The following PTK2 variants were observed in gnomAD, a reference collection of about 807,000 sequenced individuals.
PTK2 encodes protein tyrosine kinase 2.
In PTK2, 45 loss-of-function variants were observed where a neutral mutation model predicts 150.1. The observed-to-expected ratio is 0.30, with a 90% CI of 0.24 to 0.38. PTK2 has a LOEUF of 0.38. Among genes scored for constraint, PTK2 ranks in the 10% least tolerant of loss-of-function variants. The pLI is 1.00. For missense variants in PTK2, 919 were observed against 1,307.3 expected, an observed-to-expected ratio of 0.70 and a Z score of 4.58; for synonymous variants, 432 against 449.2, an observed-to-expected ratio of 0.96 and a Z score of 0.48.
intron 3 of PTK2, among the ~76,000 whole-genome samples, chr8:140,884,017 T>C (rs2100150798): frequency 6.6e-6 from 1 of 152,042 alleles, no homozygotes; most frequent in African/African-American, 2.4e-5. Context: ...CAACGTTGCA[T>C]CTGATCCTTC....
intron 26 of PTK2, among the ~76,000 whole-genome samples, chr8:140,699,193 T>C (rs1471406106): frequency 1.3e-5 from 2 of 152,112 alleles, no homozygotes; most frequent in Non-Finnish European, 2.9e-5. Context: ...ACAAAGTTAG[T>C]GTCAGTGAAT....
intron 7 of PTK2, among the ~76,000 whole-genome samples, chr8:140,844,045 T>C (rs1479698027): frequency 2.6e-5 from 4 of 152,170 alleles, no homozygotes. Context: ...GGAGTACTGG[T>C]TAGGTACTTT....
chr8:140,860,543 T>G (rs2100135444), intron 5 of PTK2, among the ~76,000 whole-genome samples: 1 of 152,160 alleles, frequency 6.6e-6, no homozygotes, highest in Non-Finnish European at 1.5e-5. Flanking sequence ...GGCATGATCT[T>G]GGCTCACTGC....
intron 2 of PTK2, among the ~76,000 whole-genome samples, chr8:140,892,363 A>G (rs1473252629): frequency 6.6e-6 from 1 of 152,036 alleles, no homozygotes; most frequent in East Asian, 1.9e-4. Flanking sequence ...GGCAAAACCC[A>G]TCTCTACAAA....
At chr8:140,913,407 T>C (rs1283619409) in intron 2 of PTK2, among the ~76,000 whole-genome samples, 1 of 151,948 alleles carries the variant, frequency 6.6e-6, no homozygotes, top group Non-Finnish European at 1.5e-5. Context: ...GTGATTCTTG[T>C]GCCTCAGCCT....
intron 1 of PTK2, among the ~76,000 whole-genome samples, chr8:140,932,942 C>T (rs568286142): frequency 6.6e-6 from 1 of 152,016 alleles, no homozygotes; most frequent in Admixed American, 6.5e-5. Flanking sequence ...ACCTCTGCTT[C>T]CTGGGTTCAA....
At chr8:140,901,857 TC>T (rs1437616095) in intron 2 of PTK2, among the ~76,000 whole-genome samples, 2 of 152,140 alleles carry the variant, frequency 1.3e-5, no homozygotes, top group South Asian at 2.1e-4. Flanking sequence ...CCTCCCTGTG[TC>T]CATGTGTTGT....
At chr8:140,943,078 A>C (rs1012599729) in intron 1 of PTK2, among the ~76,000 whole-genome samples, 1 of 152,168 alleles carries the variant, frequency 6.6e-6, no homozygotes, top group African/African-American at 2.4e-5. Flanking sequence ...TACAGCCCGC[A>C]GAACAGTGAG....
chr8:140,964,948 A>C (rs903965326), intron 1 of PTK2, among the ~76,000 whole-genome samples: 7 of 152,164 alleles, frequency 4.6e-5, no homozygotes, highest in Admixed American at 4.6e-4. Context: ...AAAAGACAGA[A>C]CATTCACCAA....
rs11449247 is a variant in PTK2 at position 140,804,228 on chromosome 8, CT to C, written c.868-579del. Among the ~76,000 whole-genome samples, 44 of 147,246 alleles carry C rather than the reference CT, an allele frequency of 3.0e-4. 1 individual carries two copies. The highest frequency in any genetic ancestry group is 2.0e-3 in the Admixed American group (30 of 14,762). On this transcript the variant is annotated intron_variant, in intron 10 of 31. Coordinates refer to ENST00000522684, the Ensembl canonical transcript of PTK2. ...TAAGTAGCATAAACTTTGGCTTCTT[CT>C]TTTTTTTTTTCTTTTTCTTCTATTA...
At chr8:140,904,842 A>C (rs972633478) in intron 2 of PTK2, among the ~76,000 whole-genome samples, 5 of 151,962 alleles carry the variant, frequency 3.3e-5, no homozygotes, top group Non-Finnish European at 5.9e-5. Context: ...ATCAGTGGTG[A>C]TATCCCCTTT....
chr8:140,681,773 T>C (rs1378894458), intron 27 of PTK2, among the ~76,000 whole-genome samples: 1 of 151,862 alleles, frequency 6.6e-6, no homozygotes, highest in Non-Finnish European at 1.5e-5. Flanking sequence ...CGAGACTCCG[T>C]CTCAAAAAAA....
rs559863998 is a variant in PTK2, at chr8:140,961,754, T to C, written c.-121-36005A>G. ...GAGCTCACCTAACAAAAAGTACTTA[T>C]AGTACACATTTTTTAAAAGGCAATG... is the stretch of plus-strand genomic sequence containing the variant. On this transcript the variant is annotated intron_variant, in intron 1 of 31. Coordinates refer to ENST00000522684, the Ensembl canonical transcript of PTK2. 2.0e-5 allele frequency among the ~76,000 whole-genome samples: 3 copies of C among 152,048 alleles called. No individual in the cohort carries two copies. In the East Asian group the frequency reaches 5.8e-4, roughly 29 times the overall value.
At chr8:140,892,634 GT>G in intron 2 of PTK2, 1 of 427,184 alleles carries the variant, frequency 2.3e-6, no homozygotes, top group Non-Finnish European at 4.6e-6. Context: ...TCTCCAATTA[GT>G]TAAAAAAAAA....
intron 22 of PTK2, 114 bp from the exon 26 acceptor site, chr8:140,717,823 T>A (rs2100040656): frequency 1.3e-6 from 1 of 768,316 alleles, no homozygotes; most frequent in Non-Finnish European, 2.3e-6. Context: ...ATGATAACAA[T>A]AAAGGATCCT....
chr8:140,694,963 A>ATTCCCAG lies in PTK2; in HGVS notation c.2499+5921_2499+5927dup, dbSNP rs201572075. ...CTCACACTACACCGCACCAGGCGTT[A>ATTCCCAG]TTCCCAGTGCACCAAGCTTTCCATG... On this transcript the variant is annotated intron_variant, in intron 26 of 31. Transcript: ENST00000522684. 7.6e-3 allele frequency among the ~76,000 whole-genome samples: 1,158 copies of ATTCCCAG among 152,274 alleles called. 12 individuals carry two copies. Among genetic ancestry groups the ATTCCCAG allele is most frequent in the African/African-American group, 0.027 (1,103 of 41,564 alleles).
chr8:140,818,820 CAA>C lies in PTK2; in HGVS notation c.789+58_789+59del, dbSNP rs2100106339. On this transcript the variant is annotated intron_variant, in intron 9 of 31. Coordinates refer to ENST00000522684, the Ensembl canonical transcript of PTK2. ...TTTCATCAGAAATTTAGATATACAG[CAA>C]GAGACAAGAAAAAGTAAAATCAAAC... 2.6e-6 allele frequency: 4 copies of C among 1,543,436 alleles called. No individual in the cohort carries two copies. The Admixed American group carries it at 7.8e-5, about 30-fold the overall frequency.
chr8:140,858,185 AC>A (rs1416336326), intron 5 of PTK2, among the ~76,000 whole-genome samples: 4 of 152,184 alleles, frequency 2.6e-5, no homozygotes, highest in African/African-American at 9.7e-5. Flanking sequence ...GCCAGACTAG[AC>A]TGACCTGAAT....
chr8:140,931,326 C>T (rs2100171677), intron 1 of PTK2, among the ~76,000 whole-genome samples: 1 of 152,130 alleles, frequency 6.6e-6, no homozygotes, highest in Non-Finnish European at 1.5e-5. Flanking sequence ...TCTACATACT[C>T]TTCTATACCT....
Sources: gnomAD v4.1 joint callset for allele counts (sites outside exome capture counted in the v4.1 genomes callset) on GRCh38, gnomAD v4.1.1 for gene constraint, MANE v1.5 for transcripts, NCBI Gene and HGNC (gene_info 2026-07-23, HGNC 2026-07-21) for gene names.